Variants in DLGAP1 observed in about 807,000 individuals in gnomAD.
DLGAP1 encodes DLG associated protein 1.
In DLGAP1, 11 loss-of-function variants were observed where a neutral mutation model predicts 90.8. The ratio of observed to expected loss-of-function variants is 0.12; its 90% CI spans 0.08 to 0.20. The LOEUF is 0.20. Among genes scored for constraint, DLGAP1 ranks in the 10% least tolerant of loss-of-function variants. The pLI is 1.00. For synonymous variants in DLGAP1, 558 were observed against 540.7 expected (o/e 1.03, Z -0.44); for missense variants, 1,050 against 1,333.8 (o/e 0.79, Z 3.31).
At chr18:4,216,475 T>C (rs2077959083) in intron 1 of DLGAP1, among the ~76,000 whole-genome samples, 1 of 152,158 alleles carries the variant, frequency 6.6e-6, no homozygotes, top group African/African-American at 2.4e-5. Context: ...AACACCATTT[T>C]GAATGTTTAG....
At chr18:3,626,594 T>TTAA (rs34579551) in intron 7 of DLGAP1, among the ~76,000 whole-genome samples, 47,896 of 130,234 alleles carry the variant, frequency 0.37, 8,662 homozygotes, top group East Asian at 0.51. Flanking sequence ...AAGAACCTGT[T>TTAA]AAAAAAAAAA....
At chr18:3,618,258 G>A (rs1484872385) in intron 7 of DLGAP1, among the ~76,000 whole-genome samples, 1 of 152,140 alleles carries the variant, frequency 6.6e-6, no homozygotes, top group Non-Finnish European at 1.5e-5. Context: ...GGCCTTTAAG[G>A]GGCTTTGAAG....
At chr18:3,984,901 C>T (rs1056348208) in intron 3 of DLGAP1, among the ~76,000 whole-genome samples, 1 of 152,096 alleles carries the variant, frequency 6.6e-6, no homozygotes, top group Admixed American at 6.6e-5. Context: ...CACCATTGTC[C>T]CCTGCCTGTG....
rs144918158 is a variant in DLGAP1, at chr18:4,405,930, T to C, written c.-267+49076A>G. The stretch of plus-strand genomic sequence containing the variant: ...AAGAACGAAGGAATGAAAGCACAGA[T>C]CTATTGATGTGAAAGTACACTCCAC... On this transcript the variant is annotated intron_variant, in intron 1 of 12. Coordinates refer to ENST00000315677, the MANE Select transcript of DLGAP1 (RefSeq NM_004746.4). Among the ~76,000 whole-genome samples the C allele has an allele frequency of 3.3e-3, 508 of 152,206 alleles. 2 individuals are homozygous for C. Among genetic ancestry groups the C allele is most frequent in the African/African-American group, 0.012 (480 of 41,532 alleles).
intron 2 of DLGAP1, among the ~76,000 whole-genome samples, chr18:4,030,648 C>T (rs1440919769): frequency 6.6e-6 from 1 of 152,188 alleles, no homozygotes; most frequent in Non-Finnish European, 1.5e-5. Flanking sequence ...TGGCTGGGTG[C>T]AGTGGCTCAT....
chr18:4,167,649 T>C (rs2076954163), intron 1 of DLGAP1, among the ~76,000 whole-genome samples: 1 of 152,166 alleles, frequency 6.6e-6, no homozygotes, highest in South Asian at 2.1e-4. Context: ...TTAGCAAGTA[T>C]ATAGAAGAGC....
chr18:4,061,997 C>G (rs961583164), intron 2 of DLGAP1, among the ~76,000 whole-genome samples: 1 of 152,132 alleles, frequency 6.6e-6, no homozygotes, highest in African/African-American at 2.4e-5. Flanking sequence ...TTCTATCACT[C>G]TTTTGGAAAA....
At chr18:4,282,343 A>G (rs1165728913) in intron 1 of DLGAP1, among the ~76,000 whole-genome samples, 1 of 149,278 alleles carries the variant, frequency 6.7e-6, no homozygotes, top group Non-Finnish European at 1.5e-5. Context: ...CAACCTGGGC[A>G]ACAAAGCGAG....
chr18:4,069,356 C>A (rs2143438163), intron 2 of DLGAP1, among the ~76,000 whole-genome samples: 1 of 152,176 alleles, frequency 6.6e-6, no homozygotes, highest in South Asian at 2.1e-4. Flanking sequence ...ATTGATGATT[C>A]TTTGTTGTAA....
intron 2 of DLGAP1, among the ~76,000 whole-genome samples, chr18:4,045,147 G>A (rs2075030234): frequency 1.3e-5 from 2 of 151,958 alleles, no homozygotes; most frequent in Admixed American, 1.3e-4. Context: ...TCCACGCCGA[G>A]CCACTCTCAT....
intron 3 of DLGAP1, among the ~76,000 whole-genome samples, chr18:3,990,134 T>C (rs1323171286): frequency 1.3e-5 from 2 of 152,152 alleles, no homozygotes; most frequent in African/African-American, 2.4e-5. Flanking sequence ...CATTACTGGG[T>C]ATATACCCAA....
At chr18:3,674,096 C>T (rs867532161) in intron 7 of DLGAP1, among the ~76,000 whole-genome samples, 1 of 151,948 alleles carries the variant, frequency 6.6e-6, no homozygotes, top group Non-Finnish European at 1.5e-5. Flanking sequence ...CCTGCCTTGG[C>T]CTCCCAAAGT....
chr18:4,175,324 G>A (rs1334952270), intron 1 of DLGAP1, among the ~76,000 whole-genome samples: 1 of 151,842 alleles, frequency 6.6e-6, no homozygotes. Flanking sequence ...TTCGACCTTT[G>A]TCAGATGGGT....
chr18:4,028,442 TA>T (rs2074739043), intron 2 of DLGAP1, among the ~76,000 whole-genome samples: 1 of 152,200 alleles, frequency 6.6e-6, no homozygotes, highest in South Asian at 2.1e-4. Flanking sequence ...ATCTCAGTTT[TA>T]AAAAAGCAGG....
intron 1 of DLGAP1, among the ~76,000 whole-genome samples, chr18:4,363,260 T>A (rs2081670451): frequency 6.6e-6 from 1 of 152,098 alleles, no homozygotes; most frequent in African/African-American, 2.4e-5. Flanking sequence ...CACACATCCC[T>A]GATTGCATGT....
At chr18:4,430,882 G>A (rs1429986137) in intron 1 of DLGAP1, 3 of 152,668 alleles carry the variant, frequency 2.0e-5, no homozygotes, top group African/African-American at 7.2e-5. Context: ...AATAATCCAA[G>A]GTCAATGACA....
In DLGAP1 at chr18:3,499,105, G is replaced by T; in HGVS notation, c.*80C>A. On this transcript the variant is annotated 3_prime_UTR_variant, in exon 13 of 13. Transcript: ENST00000315677. This position sits in a 1 kb window ranked among gnomAD's most constrained non-coding sequence, Gnocchi z 6.4. ...GAGCTCGGGAGCGGACGGGCTCGGA[G>T]GGGGAGAGGCAGCCGGCAGAGGAGC... is the stretch of plus-strand genomic sequence containing the variant. 7.6e-7 allele frequency: 1 copy of T among 1,312,526 alleles called. No homozygotes were observed. The highest frequency in any genetic ancestry group is 1.0e-6 in the Non-Finnish European group (1 of 990,164). 81.3% of individuals were successfully genotyped at this position (1,312,526 alleles called of 1,614,324 possible).
intron 8 of DLGAP1, chr18:3,580,716 C>A: frequency 6.2e-7 from 1 of 1,613,882 alleles, no homozygotes; most frequent in Non-Finnish European, 8.5e-7. Flanking sequence ...CAACCACAGG[C>A]CTCTCAGGAC....
intron 2 of DLGAP1, among the ~76,000 whole-genome samples, chr18:4,036,009 A>C (rs905710823): frequency 7.9e-5 from 12 of 152,168 alleles, no homozygotes; most frequent in African/African-American, 2.7e-4. Context: ...GAAAACCTAC[A>C]GGTATCACAG....
Sources: gnomAD v4.1 joint callset for allele counts (sites outside exome capture counted in the v4.1 genomes callset) on GRCh38, gnomAD v4.1.1 for gene constraint, Gnocchi (gnomAD v3.1) non-coding constraint, MANE v1.5 for transcripts, NCBI Gene and HGNC (gene_info 2026-07-23, HGNC 2026-07-21) for gene names.